GNG12: variants seen among roughly 807,000 people sequenced by gnomAD.
GNG12 encodes the protein guanine nucleotide-binding protein G(I)/G(S)/G(O) subunit gamma-12.
For missense variants in GNG12, 69 were observed against 83.8 expected, an observed-to-expected ratio of 0.82 and a Z score of 0.69; for synonymous variants, 28 against 29.7, an observed-to-expected ratio of 0.94 and a Z score of 0.19.
intron 1 of GNG12, among the ~76,000 whole-genome samples, chr1:67,816,565 C>A (rs1646954774): frequency 6.6e-6 from 1 of 152,158 alleles, no homozygotes; most frequent in African/African-American, 2.4e-5. Flanking sequence ...AGCTGGAGAC[C>A]TCTGCCCTCA....
At chr1:67,725,226 C>A (rs589341) in intron 2 of GNG12, among the ~76,000 whole-genome samples, 1 of 152,320 alleles carries the variant, frequency 6.6e-6, no homozygotes, top group East Asian at 1.9e-4. Flanking sequence ...AGGCCCAACA[C>A]TGTGGTGCAG....
At chr1:67,751,666 C>T (rs527926935) in intron 2 of GNG12, among the ~76,000 whole-genome samples, 1 of 152,222 alleles carries the variant, frequency 6.6e-6, no homozygotes, top group African/African-American at 2.4e-5. Flanking sequence ...AGCCATACCT[C>T]GGCCCTTATT....
intron 1 of GNG12, among the ~76,000 whole-genome samples, chr1:67,825,331 G>A (rs529720007): frequency 2.6e-5 from 4 of 152,144 alleles, no homozygotes; most frequent in Non-Finnish European, 4.4e-5. Context: ...TTTTCACAAG[G>A]TGTATTGTCT....
chr1:67,793,171 T>C (rs565162005), intron 1 of GNG12, among the ~76,000 whole-genome samples: 4 of 152,316 alleles, frequency 2.6e-5, no homozygotes, highest in Admixed American at 2.6e-4. Context: ...TATATAAGAC[T>C]TTGGAATCAT....
chr1:67,746,987 T>G (rs1646511453), intron 2 of GNG12, among the ~76,000 whole-genome samples: 1 of 152,128 alleles, frequency 6.6e-6, no homozygotes, highest in Admixed American at 6.5e-5. Context: ...TCACTCTAAA[T>G]AAGTAGAAGA....
intron 1 of GNG12, among the ~76,000 whole-genome samples, chr1:67,795,116 C>T (rs765664023): frequency 1.3e-5 from 2 of 152,202 alleles, no homozygotes; most frequent in Non-Finnish European, 1.5e-5. Context: ...AAAGGCCTTG[C>T]GCTTTTTACT....
chr1:67,711,578 G>C (rs1201690237), intron 2 of GNG12, among the ~76,000 whole-genome samples: 1 of 152,128 alleles, frequency 6.6e-6, no homozygotes, highest in East Asian at 1.9e-4. Context: ...GGAAGAAGAG[G>C]TGACAGTCTG....
chr1:67,824,024 G>C (rs1284216527), intron 1 of GNG12, among the ~76,000 whole-genome samples: 1 of 151,976 alleles, frequency 6.6e-6, no homozygotes, highest in Non-Finnish European at 1.5e-5. Context: ...AATTTTAAAA[G>C]GTAAGGTAAA....
intron 2 of GNG12, among the ~76,000 whole-genome samples, chr1:67,765,859 T>C (rs1390388001): frequency 7.2e-5 from 11 of 152,158 alleles, no homozygotes; most frequent in African/African-American, 2.7e-4. Flanking sequence ...ATTCCTGCTT[T>C]CTAGTGGGCT....
intron 1 of GNG12, among the ~76,000 whole-genome samples, chr1:67,825,211 A>G (rs923049978): frequency 3.9e-5 from 6 of 152,228 alleles, no homozygotes; most frequent in African/African-American, 1.4e-4. Flanking sequence ...AATTCTTAGG[A>G]ATTGTCATCT....
intron 1 of GNG12, among the ~76,000 whole-genome samples, chr1:67,831,575 G>A (rs983608271): frequency 7.9e-5 from 12 of 152,258 alleles, no homozygotes; most frequent in African/African-American, 2.9e-4. Context: ...AAGGTCTAAC[G>A]ACGCAGTAGA....
Position 67,772,528 on chromosome 1 carries a change from C to G in GNG12, c.-27+4930G>C, listed in dbSNP as rs893110768. 2.0e-5 allele frequency: 3 copies of G among 152,218 alleles called. No individual in the cohort carries two copies. The East Asian group carries it at 5.8e-4, about 29-fold the overall frequency. The allele number at this position is 152,218 out of a possible 1,614,324, so 9.4% of individuals were successfully genotyped here. On this transcript the variant is annotated intron_variant, in intron 2 of 3. Transcript: ENST00000370982. ...TGGCATTCTCATTCTTTCCTTCCCT[C>G]CTTCTGGTACCAACACCTCTCCTTT...
intron 1 of GNG12, among the ~76,000 whole-genome samples, chr1:67,816,004 G>A (rs903689487): frequency 1.1e-4 from 17 of 152,122 alleles, no homozygotes; most frequent in African/African-American, 2.9e-4. Context: ...GGGTGCGGCC[G>A]GGGCTCCATG....
intron 1 of GNG12, among the ~76,000 whole-genome samples, chr1:67,816,381 A>T (rs1187433707): frequency 2.0e-5 from 3 of 152,206 alleles, no homozygotes; most frequent in Non-Finnish European, 4.4e-5. Context: ...GAAGGGGAGT[A>T]AAGAAATTTA....
At chr1:67,748,254 G>A (rs1219992526) in intron 2 of GNG12, among the ~76,000 whole-genome samples, 2 of 152,188 alleles carry the variant, frequency 1.3e-5, no homozygotes, top group Non-Finnish European at 2.9e-5. Context: ...AAGAGTGGAA[G>A]TTCTGGGCAT....
chr1:67,711,827 C>T (rs536656575), intron 2 of GNG12, among the ~76,000 whole-genome samples: 1 of 152,160 alleles, frequency 6.6e-6, no homozygotes, highest in Non-Finnish European at 1.5e-5. Context: ...TCCTGAACTC[C>T]TTCATGGTCA....
chr1:67,776,493 T>C (rs1325167802), intron 2 of GNG12, among the ~76,000 whole-genome samples: 1 of 152,210 alleles, frequency 6.6e-6, no homozygotes, highest in Non-Finnish European at 1.5e-5. Flanking sequence ...GTTGTGTGAA[T>C]TCTGAGTCTC....
Position 67,726,481 on chromosome 1 carries a change from C to A in GNG12, c.-26-18769G>T, listed in dbSNP as rs144719279. ...GCACAGAGTGAGAACTCAATAAACA[C>A]TTCATCCAGTGAAATGATGACACAG... On this transcript the variant is annotated intron_variant, in intron 2 of 3. Transcript: ENST00000370982. Among the ~76,000 whole-genome samples the A allele has an allele frequency of 3.1e-4, 47 of 152,322 alleles. No individual in the cohort carries two copies. In the East Asian group the frequency reaches 6.9e-3, roughly 22 times the overall value.
At chr1:67,732,296 C>A (rs866292701) in intron 2 of GNG12, among the ~76,000 whole-genome samples, 1 of 152,184 alleles carries the variant, frequency 6.6e-6, no homozygotes, top group African/African-American at 2.4e-5. Flanking sequence ...CAGTATAAAG[C>A]GACTATTATT....
Sources: gnomAD v4.1 joint callset for allele counts (sites outside exome capture counted in the v4.1 genomes callset) on GRCh38, gnomAD v4.1.1 for gene constraint, MANE v1.5 for transcripts, NCBI Gene and HGNC (gene_info 2026-07-23, HGNC 2026-07-21) for gene names.